Variants in HS6ST3 observed in about 807,000 individuals in gnomAD.
The protein encoded by HS6ST3 is heparan-sulfate 6-O-sulfotransferase 3.
HS6ST3 carries 12 observed loss-of-function variants against 36.7 expected under a neutral mutation model. The ratio of observed to expected loss-of-function variants is 0.33; its 90% CI spans 0.21 to 0.53. The LOEUF is 0.53. Among genes scored for constraint, HS6ST3 ranks in the 20% least tolerant of loss-of-function variants. The pLI is 0.95. For missense variants in HS6ST3, 584 were observed against 640.9 expected, an observed-to-expected ratio of 0.91 and a Z score of 0.96; for synonymous variants, 240 against 257.5, an observed-to-expected ratio of 0.93 and a Z score of 0.65.
At chr13:96,274,117 C>T (rs894550211) in intron 1 of HS6ST3, among the ~76,000 whole-genome samples, 9 of 151,108 alleles carry the variant, frequency 6.0e-5, no homozygotes, top group African/African-American at 1.9e-4. Context: ...GATCATGGCT[C>T]GCTGCAACCT....
At chr13:96,528,452 G>A (rs1482152108) in intron 1 of HS6ST3, among the ~76,000 whole-genome samples, 3 of 152,068 alleles carry the variant, frequency 2.0e-5, no homozygotes, top group African/African-American at 7.2e-5. Flanking sequence ...CTGCTTGACA[G>A]GGGCCCAATA....
At chr13:96,116,198 A>G (rs943009650) in intron 1 of HS6ST3, among the ~76,000 whole-genome samples, 1 of 151,936 alleles carries the variant, frequency 6.6e-6, no homozygotes, top group East Asian at 1.9e-4. Flanking sequence ...TCCTTCAACG[A>G]CTCGAGTGCA....
intron 1 of HS6ST3, among the ~76,000 whole-genome samples, chr13:96,150,922 A>G (rs2054081856): frequency 6.6e-6 from 1 of 152,228 alleles, no homozygotes; most frequent in African/African-American, 2.4e-5. Flanking sequence ...ATATATGTCT[A>G]TATTCTTAAG....
rs561436318 is a variant in HS6ST3, at chr13:96,319,449, A to G, written c.707+227880A>G. On this transcript the variant is annotated intron_variant, in intron 1 of 1. Coordinates refer to ENST00000376705, the MANE Select transcript of HS6ST3 (RefSeq NM_153456.4). ...TTTGGCTCTTATGAATAATGTTGCC[A>G]TAAACATTCATGTATGAGTCTTTGG... is the stretch of plus-strand genomic sequence containing the variant. Among the ~76,000 whole-genome samples, 30 of 152,330 alleles carry G rather than the reference A, an allele frequency of 2.0e-4. 1 individual carries two copies. In the South Asian group the frequency reaches 4.8e-3, roughly 24 times the overall value.
chr13:96,574,258 C>G, intron 1 of HS6ST3: 1 of 423,372 alleles, frequency 2.4e-6, no homozygotes, highest in Non-Finnish European at 4.7e-6. Context: ...AGATAGGGGT[C>G]CATGGGATTT....
At chr13:96,765,340 G>A (rs1877080461) in intron 1 of HS6ST3, among the ~76,000 whole-genome samples, 1 of 151,956 alleles carries the variant, frequency 6.6e-6, no homozygotes, top group African/African-American at 2.4e-5. Context: ...CCAAAGTGCT[G>A]GGATTACAGG....
chr13:96,144,211 A>C (rs1454688468), intron 1 of HS6ST3, among the ~76,000 whole-genome samples: 1 of 152,216 alleles, frequency 6.6e-6, no homozygotes, highest in Non-Finnish European at 1.5e-5. Flanking sequence ...CTAGTATAGA[A>C]CATATTAGTA....
chr13:96,343,457 CCTT>C (rs2055139798), intron 1 of HS6ST3, among the ~76,000 whole-genome samples: 1 of 152,112 alleles, frequency 6.6e-6, no homozygotes, highest in South Asian at 2.1e-4. Flanking sequence ...ACTCTGACCT[CCTT>C]CTTCTACTTT....
At chr13:96,760,949 T>C (rs928920603) in intron 1 of HS6ST3, among the ~76,000 whole-genome samples, 2 of 152,120 alleles carry the variant, frequency 1.3e-5, no homozygotes, top group African/African-American at 4.8e-5. Context: ...TATTAAAATT[T>C]ATTTTTTCTG....
intron 1 of HS6ST3, among the ~76,000 whole-genome samples, chr13:96,112,578 A>AATATATATATAT (rs59107741): frequency 5.4e-4 from 44 of 81,184 alleles, no homozygotes; most frequent in South Asian, 1.8e-3. Context: ...AAAATAAATA[A>AATATATATATAT]ATATATATAT....
intron 1 of HS6ST3, among the ~76,000 whole-genome samples, chr13:96,182,281 C>T (rs1292363235): frequency 6.6e-6 from 1 of 152,202 alleles, no homozygotes; most frequent in African/African-American, 2.4e-5. Flanking sequence ...CCCTGCAATT[C>T]ATTTTGACTT....
chr13:96,573,363 T>A (rs1017168195), intron 1 of HS6ST3, among the ~76,000 whole-genome samples: 1 of 152,190 alleles, frequency 6.6e-6, no homozygotes, highest in Non-Finnish European at 1.5e-5. Flanking sequence ...CTTTTGGGCC[T>A]ATGGGCCTGC....
intron 1 of HS6ST3, among the ~76,000 whole-genome samples, chr13:96,564,618 C>G (rs2056274357): frequency 6.6e-6 from 1 of 152,124 alleles, no homozygotes; most frequent in African/African-American, 2.4e-5. Flanking sequence ...GATACTTTCT[C>G]CACGAAATGA....
chr13:96,366,202 G>A (rs2055261587), intron 1 of HS6ST3, among the ~76,000 whole-genome samples: 1 of 152,136 alleles, frequency 6.6e-6, no homozygotes, highest in Non-Finnish European at 1.5e-5. Flanking sequence ...CTGGCTGGGT[G>A]TGGTGACTCA....
At chr13:96,124,451 C>A (rs114175905) in intron 1 of HS6ST3, among the ~76,000 whole-genome samples, 3,051 of 152,002 alleles carry the variant, frequency 0.02, 88 homozygotes, top group African/African-American at 0.068. Context: ...GAATAGATAT[C>A]AAATAAATAA....
intron 1 of HS6ST3, among the ~76,000 whole-genome samples, chr13:96,803,787 A>C (rs1181914747): frequency 6.6e-6 from 1 of 152,152 alleles, no homozygotes; most frequent in Non-Finnish European, 1.5e-5. Flanking sequence ...GGCAAGGAAA[A>C]TTGTGATTTT....
chr13:96,241,620 A>C (rs1173064823), intron 1 of HS6ST3, among the ~76,000 whole-genome samples: 2 of 151,122 alleles, frequency 1.3e-5, no homozygotes, highest in Non-Finnish European at 2.9e-5. Flanking sequence ...TAAAAATTAA[A>C]TTTACCAACT....
At chr13:96,823,980 G>A (rs974546595) in intron 1 of HS6ST3, among the ~76,000 whole-genome samples, 12 of 152,150 alleles carry the variant, frequency 7.9e-5, no homozygotes, top group South Asian at 2.1e-4. Context: ...ACATTATTGC[G>A]TATCCAAGTG....
chr13:96,147,944 G>A (rs2054066098), intron 1 of HS6ST3, among the ~76,000 whole-genome samples: 1 of 152,176 alleles, frequency 6.6e-6, no homozygotes, highest in Admixed American at 6.5e-5. Context: ...GTCGTAGGAG[G>A]TGCTCTGGAC....
Sources: allele counts gnomAD v4.1 joint callset (sites outside exome capture counted in the v4.1 genomes callset), GRCh38; gene constraint gnomAD v4.1.1; transcripts MANE v1.5; gene names NCBI Gene and HGNC (gene_info 2026-07-23, HGNC 2026-07-21).